LTBP1: variants seen among roughly 807,000 people sequenced by gnomAD.
LTBP1 encodes the protein latent-transforming growth factor beta-binding protein 1.
Under a neutral mutation model 207.6 loss-of-function variants are expected in LTBP1, and 129 were observed. The ratio of observed to expected loss-of-function variants is 0.62; its 90% CI spans 0.54 to 0.72. The LOEUF is 0.72. LTBP1 is among the 30% of genes least tolerant of loss of function. LTBP1 has a pLI of 0.00. For synonymous variants in LTBP1, 963 were observed against 833.7 expected, an observed-to-expected ratio of 1.16 and a Z score of -2.67; for missense variants, 2,281 against 2,217.2, an observed-to-expected ratio of 1.03 and a Z score of -0.58.
intron 5 of LTBP1, among the ~76,000 whole-genome samples, chr2:33,173,087 T>G (rs2085631350): frequency 6.6e-6 from 1 of 152,016 alleles, no homozygotes; most frequent in South Asian, 2.1e-4. Flanking sequence ...ATATCTCAAT[T>G]AAAAGAACTA....
chr2:33,220,119 A>T (rs935203372), intron 8 of LTBP1, among the ~76,000 whole-genome samples: 1 of 152,230 alleles, frequency 6.6e-6, no homozygotes, highest in Non-Finnish European at 1.5e-5. Context: ...GGCAATGTGG[A>T]CTATGAATGA....
chr2:33,195,358 A>T (rs1429669621), intron 7 of LTBP1, among the ~76,000 whole-genome samples: 1 of 152,234 alleles, frequency 6.6e-6, no homozygotes, highest in Non-Finnish European at 1.5e-5. Flanking sequence ...TTCATGATAC[A>T]TGGGAGGAGG....
At chr2:33,044,813 G>C (rs1419378202) in intron 3 of LTBP1, among the ~76,000 whole-genome samples, 1 of 152,060 alleles carries the variant, frequency 6.6e-6, no homozygotes, top group Non-Finnish European at 1.5e-5. Context: ...TTCTAACTGG[G>C]ATGAGATGGT....
chr2:33,259,508 T>C, intron 12 of LTBP1, 80 bp from the exon 13 acceptor site: 1 of 994,112 alleles, frequency 1.0e-6, no homozygotes, highest in Non-Finnish European at 1.5e-6. Flanking sequence ...AATGGACTTC[T>C]ATTGTTTTTT....
At chr2:32,989,222 A>C (rs184173941) in intron 2 of LTBP1, among the ~76,000 whole-genome samples, 1 of 152,364 alleles carries the variant, frequency 6.6e-6, no homozygotes, top group East Asian at 1.9e-4. Context: ...TGAGATTTTA[A>C]CTTATTAATT....
At chr2:33,210,772 C>T (rs531149779) in intron 7 of LTBP1, among the ~76,000 whole-genome samples, 1 of 152,322 alleles carries the variant, frequency 6.6e-6, no homozygotes, top group African/African-American at 2.4e-5. Flanking sequence ...TTTCTCCCAG[C>T]TGGTGGTTGG....
At chr2:33,221,954 T>A in intron 8 of LTBP1, 126 bp from the exon 9 acceptor site, 2 of 615,312 alleles carry the variant, frequency 3.3e-6, no homozygotes, top group South Asian at 4.4e-5. Flanking sequence ...TACATTGGTA[T>A]TGGTTTCTTA....
rs559997501 is a variant in LTBP1, at chr2:33,285,471, C to T, written c.3112+5313C>T. 6.8e-4 allele frequency among the ~76,000 whole-genome samples: 74 copies of T among 108,634 alleles called. 1 individual carries two copies. The South Asian group carries it at 0.014, about 21-fold the overall frequency. 71.3% of individuals were successfully genotyped at this position (108,634 alleles called of 152,430 possible). A position where few individuals can be genotyped will look rare whatever the true frequency, so the allele number is the denominator to read the frequency against. ...TTTTTCTTTTTTTTTTTTTTTGAGA[C>T]GGAGTCTCCCTCTGTTGCCCAGGCT... On this transcript the variant is annotated intron_variant, in intron 19 of 33. Coordinates refer to ENST00000404816, the MANE Select transcript of LTBP1 (RefSeq NM_206943.4).
At chr2:33,102,590 T>G (rs2079799683) in intron 3 of LTBP1, among the ~76,000 whole-genome samples, 1 of 152,246 alleles carries the variant, frequency 6.6e-6, no homozygotes, top group Non-Finnish European at 1.5e-5. Flanking sequence ...TCATCTCATT[T>G]AGTCGAAGAC....
intron 23 of LTBP1, 76 bp downstream of exon 23, chr2:33,309,632 G>T (rs987531349): frequency 4.9e-5 from 74 of 1,518,232 alleles, no homozygotes; most frequent in Non-Finnish European, 6.2e-5. Flanking sequence ...ATGATAGTCT[G>T]TGGTTTTGCC....
intron 19 of LTBP1, among the ~76,000 whole-genome samples, chr2:33,292,666 T>A (rs2093797242): frequency 1.3e-5 from 2 of 152,246 alleles, no homozygotes; most frequent in Non-Finnish European, 2.9e-5. Flanking sequence ...TCATATGGAT[T>A]CACTGCCATT....
chr2:33,256,541 C>T (rs1223229035), intron 11 of LTBP1, among the ~76,000 whole-genome samples: 1 of 151,154 alleles, frequency 6.6e-6, no homozygotes, highest in African/African-American at 2.4e-5. Context: ...TTTTTAATAA[C>T]TAATGAAATT....
intron 26 of LTBP1, among the ~76,000 whole-genome samples, chr2:33,351,825 T>G (rs1269041940): frequency 1.3e-5 from 2 of 152,218 alleles, no homozygotes; most frequent in African/African-American, 2.4e-5. Flanking sequence ...TCCTGTCTCA[T>G]TCTCAGGTTC....
chr2:32,993,460 C>T (rs1684747568), intron 2 of LTBP1, among the ~76,000 whole-genome samples: 1 of 152,146 alleles, frequency 6.6e-6, no homozygotes, highest in African/African-American at 2.4e-5. Context: ...ATCCAAACAC[C>T]ATCTATTATT....
intron 4 of LTBP1, among the ~76,000 whole-genome samples, chr2:33,112,129 G>C (rs2080447755): frequency 6.6e-6 from 1 of 152,136 alleles, no homozygotes; most frequent in African/African-American, 2.4e-5. Flanking sequence ...AGATTTTAAA[G>C]TTTATGATTA....
chr2:33,052,194 C>T (rs959300745), intron 3 of LTBP1, among the ~76,000 whole-genome samples: 5 of 152,202 alleles, frequency 3.3e-5, no homozygotes, highest in Non-Finnish European at 7.3e-5. Context: ...GTCATTCGAC[C>T]GTTGCTATGG....
At chr2:33,191,142 C>T (rs1335455071) in intron 7 of LTBP1, among the ~76,000 whole-genome samples, 1 of 152,048 alleles carries the variant, frequency 6.6e-6, no homozygotes, top group Non-Finnish European at 1.5e-5. Flanking sequence ...CCTTTCTCCC[C>T]GTTTCCAAGT....
At chr2:33,092,179 GCACA>G (rs749016594) in intron 3 of LTBP1, among the ~76,000 whole-genome samples, 27 of 148,108 alleles carry the variant, frequency 1.8e-4, no homozygotes, top group Admixed American at 5.4e-4. Flanking sequence ...ACGTGCGCAT[GCACA>G]CACACACACA....
intron 31 of LTBP1, among the ~76,000 whole-genome samples, chr2:33,372,573 T>G (rs1283078895): frequency 6.6e-6 from 1 of 152,232 alleles, no homozygotes; most frequent in Non-Finnish European, 1.5e-5. Context: ...TTTGCTACTC[T>G]TAAAAGTATA....
Sources: allele counts gnomAD v4.1 joint callset (sites outside exome capture counted in the v4.1 genomes callset), GRCh38; gene constraint gnomAD v4.1.1; transcripts MANE v1.5; gene names NCBI Gene and HGNC (gene_info 2026-07-23, HGNC 2026-07-21).